The following TTLL5 variants were observed in gnomAD, a reference collection of about 807,000 sequenced individuals.
The protein encoded by TTLL5 is tubulin polyglutamylase TTLL5.
In TTLL5, 132 loss-of-function variants were observed where a neutral mutation model predicts 168.4. The observed-to-expected ratio is 0.78, with a 90% CI of 0.68 to 0.91. The LOEUF is 0.91. Ranked by LOEUF, TTLL5 falls within the 40% of genes least tolerant of loss-of-function variation. The pLI is 0.00. For missense variants in TTLL5, 1,545 were observed against 1,581.5 expected, an observed-to-expected ratio of 0.98 and a Z score of 0.39; for synonymous variants, 546 against 558.6, an observed-to-expected ratio of 0.98 and a Z score of 0.32.
intron 29 of TTLL5, among the ~76,000 whole-genome samples, chr14:75,874,593 A>G (rs938119314): frequency 6.6e-6 from 1 of 152,226 alleles, no homozygotes; most frequent in Non-Finnish European, 1.5e-5. Flanking sequence ...TACTGATGAA[A>G]TACAAATTGG....
At chr14:75,712,739 G>A (rs544136255) in intron 9 of TTLL5, among the ~76,000 whole-genome samples, 23 of 152,070 alleles carry the variant, frequency 1.5e-4, no homozygotes, top group African/African-American at 5.5e-4. Context: ...CAGACTTTTA[G>A]ACAAATTATC....
At chr14:75,700,305 C>T (rs1886175444) in intron 7 of TTLL5, among the ~76,000 whole-genome samples, 2 of 152,190 alleles carry the variant, frequency 1.3e-5, no homozygotes, top group South Asian at 4.1e-4. Flanking sequence ...CAGGGAAAGG[C>T]AGGCACCTGA....
chr14:75,731,348 G>A (rs974920047), intron 12 of TTLL5, among the ~76,000 whole-genome samples: 1 of 138,648 alleles, frequency 7.2e-6, no homozygotes, highest in Non-Finnish European at 1.5e-5. Context: ...TATATATATA[G>A]ATATAGCTAT....
At chr14:75,662,329 GT>G (rs572439310) in intron 1 of TTLL5, among the ~76,000 whole-genome samples, 2,592 of 141,722 alleles carry the variant, frequency 0.018, 31 homozygotes, top group Non-Finnish European at 0.028. Context: ...GTTTTTTGTT[GT>G]TTTTTTTTTT....
intron 31 of TTLL5, among the ~76,000 whole-genome samples, chr14:75,939,221 G>T (rs754399802): frequency 6.6e-6 from 1 of 151,990 alleles, no homozygotes; most frequent in Non-Finnish European, 1.5e-5. Flanking sequence ...AGAATACCAG[G>T]GTCTATCTAC....
intron 30 of TTLL5, among the ~76,000 whole-genome samples, chr14:75,883,256 C>T (rs1377785833): frequency 6.6e-6 from 1 of 152,248 alleles, no homozygotes. Context: ...GATAATATAA[C>T]TTCATTGACA....
chr14:75,869,013 AGTGTGTGTGTGTGTGTGT>A (rs3138589), intron 29 of TTLL5, among the ~76,000 whole-genome samples: 14,633 of 124,488 alleles, frequency 0.12, 1,016 homozygotes, highest in East Asian at 0.44. Context: ...AGAGGGGAGG[AGTGTGTGTGTGTGTGTGT>A]GTGTGTGTGT....
At chr14:75,875,326 G>A (rs1381797034) in intron 29 of TTLL5, among the ~76,000 whole-genome samples, 5 of 149,706 alleles carry the variant, frequency 3.3e-5, no homozygotes, top group Non-Finnish European at 7.4e-5. Flanking sequence ...GACAGATCAC[G>A]AGGTCAGGAG....
At chr14:75,888,875 G>T (rs1387891967) in intron 30 of TTLL5, among the ~76,000 whole-genome samples, 1 of 150,044 alleles carries the variant, frequency 6.7e-6, no homozygotes, top group Non-Finnish European at 1.5e-5. Flanking sequence ...GCAGAGATTT[G>T]CAGTGAGCTG....
chr14:75,936,575 CT>C (rs1297495706), intron 31 of TTLL5, among the ~76,000 whole-genome samples: 1 of 152,164 alleles, frequency 6.6e-6, no homozygotes, highest in Non-Finnish European at 1.5e-5. Context: ...CCATCTTATT[CT>C]TTCCAGCAGT....
At chr14:75,694,609 C>T (rs1885702427) in intron 6 of TTLL5, among the ~76,000 whole-genome samples, 1 of 152,230 alleles carries the variant, frequency 6.6e-6, no homozygotes, top group Non-Finnish European at 1.5e-5. Flanking sequence ...GCTGGGATTA[C>T]AGGCATAAGC....
rs1250115002 is a variant in TTLL5, at chr14:75,782,591, T to C, written c.2602+18T>C. 2 of 1,599,508 alleles carry C rather than the reference T, an allele frequency of 1.3e-6. No homozygotes were observed. The highest frequency in any genetic ancestry group is 1.1e-5 in the South Asian group (1 of 89,650). On this transcript the variant is annotated intron_variant, in intron 25 of 31. Coordinates refer to ENST00000298832, the MANE Select transcript of TTLL5 (RefSeq NM_015072.5). ...ATTATCTCGTGAGTGATTTCAAACCTACCTAGATTTGCTGCTCTCTGATAA... is the reference window on the plus strand; with the variant it reads ...ATTATCTCGTGAGTGATTTCAAACCCACCTAGATTTGCTGCTCTCTGATAA...
At chr14:75,677,312 A>G (rs900847684) in intron 3 of TTLL5, among the ~76,000 whole-genome samples, 3 of 151,656 alleles carry the variant, frequency 2.0e-5, no homozygotes, top group Non-Finnish European at 4.4e-5. Context: ...CAATTTATTG[A>G]AGGCTACAGG....
chr14:75,924,345 G>A (rs1157338946), intron 31 of TTLL5, among the ~76,000 whole-genome samples: 1 of 151,452 alleles, frequency 6.6e-6, no homozygotes, highest in Non-Finnish European at 1.5e-5. Context: ...GGAGTTGGCA[G>A]GGTCATAGGA....
intron 11 of TTLL5, 65 bp downstream of exon 11, chr14:75,719,891 C>A (rs1887733644): frequency 6.7e-7 from 1 of 1,496,418 alleles, no homozygotes; most frequent in Non-Finnish European, 9.3e-7. Context: ...TTGTCTCTTG[C>A]CAGGAATCAT....
At chr14:75,892,775 T>C (rs1280358182) in intron 30 of TTLL5, among the ~76,000 whole-genome samples, 1 of 152,212 alleles carries the variant, frequency 6.6e-6, no homozygotes, top group African/African-American at 2.4e-5. Flanking sequence ...CTATGGGCCT[T>C]ACAGAGTCAG....
intron 29 of TTLL5, among the ~76,000 whole-genome samples, chr14:75,877,664 T>A (rs2031570708): frequency 1.3e-5 from 2 of 152,262 alleles, no homozygotes; most frequent in South Asian, 4.1e-4. Flanking sequence ...CTCCTATGCC[T>A]GTGTTGTTAA....
chr14:75,735,078 AT>A (rs1594944726), intron 14 of TTLL5, 116 bp from the exon 15 acceptor site: 1 of 870,556 alleles, frequency 1.1e-6, no homozygotes. Flanking sequence ...CTGAGGATAG[AT>A]CTCTGTGATA....
intron 28 of TTLL5, among the ~76,000 whole-genome samples, chr14:75,836,444 A>G (rs1233443237): frequency 3.3e-5 from 5 of 151,786 alleles, no homozygotes; most frequent in African/African-American, 1.2e-4. Context: ...TGGTTAATGG[A>G]TACAAAAAAA....
Sources: gnomAD v4.1 joint callset for allele counts (sites outside exome capture counted in the v4.1 genomes callset) on GRCh38, gnomAD v4.1.1 for gene constraint, MANE v1.5 for transcripts, NCBI Gene and HGNC (gene_info 2026-07-23, HGNC 2026-07-21) for gene names.